Variants in SLC38A6 observed in about 807,000 individuals in gnomAD.
SLC38A6 encodes the protein N system amino acid transporter NAT-1.
A neutral mutation model predicts 65.0 loss-of-function variants in SLC38A6; 73 were observed. That is an observed-to-expected ratio of 1.12 (90% CI 0.93 to 1.37). SLC38A6 has a LOEUF of 1.37. Among genes scored for constraint, SLC38A6 ranks in the 40% most tolerant of loss-of-function variants. SLC38A6 has a pLI of 0.00. For synonymous variants in SLC38A6, 183 were observed against 178.8 expected (o/e 1.02, Z -0.19); for missense variants, 561 against 531.1 (o/e 1.06, Z -0.55).
chr14:61,032,923 A>G (rs2041099844), intron 6 of SLC38A6, among the ~76,000 whole-genome samples: 1 of 151,974 alleles, frequency 6.6e-6, no homozygotes, highest in South Asian at 2.1e-4. Flanking sequence ...GTTATCTGCG[A>G]GCTTGGTGTA....
intron 1 of SLC38A6, chr14:60,982,110 T>A: frequency 1.3e-5 from 6 of 457,938 alleles, no homozygotes; most frequent in South Asian, 9.3e-5. Context: ...TCCTAGTAAT[T>A]GAGGAGAAAC....
chr14:61,030,196 A>C (rs2040870193), intron 5 of SLC38A6, among the ~76,000 whole-genome samples: 1 of 151,946 alleles, frequency 6.6e-6, no homozygotes, highest in South Asian at 2.1e-4. Context: ...TTTGCTTTGG[A>C]CTTGAAATGT....
At chr14:61,071,682 C>CA (rs747015319) in intron 15 of SLC38A6, among the ~76,000 whole-genome samples, 1,209 of 105,282 alleles carry the variant, frequency 0.011, 13 homozygotes, top group African/African-American at 0.038. Flanking sequence ...AATCCTGTCT[C>CA]AAAAAAAAAA....
At chr14:61,042,085 T>C (rs1398161764) in intron 8 of SLC38A6, among the ~76,000 whole-genome samples, 4 of 152,186 alleles carry the variant, frequency 2.6e-5, no homozygotes, top group African/African-American at 4.8e-5. Flanking sequence ...TATTGAAAAC[T>C]TACCTAGAAA....
At chr14:60,983,256 C>T (rs1164163859) in intron 2 of SLC38A6, among the ~76,000 whole-genome samples, 2 of 152,160 alleles carry the variant, frequency 1.3e-5, no homozygotes, top group African/African-American at 4.8e-5. Flanking sequence ...AACTGGAGGT[C>T]AAGGCAGGCG....
chr14:61,064,203 G>A (rs1195308027), intron 15 of SLC38A6, among the ~76,000 whole-genome samples: 1 of 152,122 alleles, frequency 6.6e-6, no homozygotes, highest in South Asian at 2.1e-4. Flanking sequence ...GCCAGACATG[G>A]CCTCCCATGT....
intron 15 of SLC38A6, among the ~76,000 whole-genome samples, chr14:61,069,107 A>G (rs944181945): frequency 2.0e-5 from 3 of 152,182 alleles, no homozygotes; most frequent in Admixed American, 6.5e-5. Flanking sequence ...CCAACCAATT[A>G]AATCCAAATC....
rs2040229048 is a variant in SLC38A6 at position 61,019,548 on chromosome 14, T to G, written c.371T>G (p.Val124Gly). 1 of 1,613,364 alleles carries G rather than the reference T, an allele frequency of 6.2e-7. No homozygotes were observed. Among genetic ancestry groups the G allele is most frequent in the African/African-American group, 1.3e-5 (1 of 75,024 alleles). The change falls in exon 5 of 16, where the codon GTG (valine) becomes GGG (glycine). Residue 124 changes from valine (V) to glycine (G), a missense_variant. Physicochemically the swap from Val to Gly is moderately radical, Grantham distance 109 (BLOSUM62 -3). Transcript: ENST00000267488. Reference sequence around the variant, plus strand: ...ATTTCTGTTCTTTTACAGTTGGTGGTGGCAGGCACCATAATAATTCAGAAT... The same window carrying G: ...ATTTCTGTTCTTTTACAGTTGGTGGGGGCAGGCACCATAATAATTCAGAAT... ...FAFGLPGKLV[V>G]AGTIIIQNIG... is the part of the protein sequence containing the mutation.
chr14:61,004,753 G>C (rs1396453806), intron 3 of SLC38A6: 2 of 152,314 alleles, frequency 1.3e-5, no homozygotes, highest in African/African-American at 4.8e-5. Context: ...AATTCTACCA[G>C]AGGTACAAGG....
chr14:61,045,481 G>T, intron 11 of SLC38A6, 56 bp downstream of exon 11: 1 of 1,312,058 alleles, frequency 7.6e-7, no homozygotes, highest in South Asian at 1.2e-5. Flanking sequence ...TACCTCTAAG[G>T]CTTTCGGATT....
intron 15 of SLC38A6, among the ~76,000 whole-genome samples, chr14:61,075,517 CT>C (rs572190388): frequency 2.0e-5 from 3 of 152,208 alleles, no homozygotes; most frequent in Middle Eastern, 3.2e-3. Flanking sequence ...GTGTATTGAA[CT>C]TTCCTTGACA....
chr14:61,082,807 A>G (rs910900585), intron 16 of SLC38A6, among the ~76,000 whole-genome samples: 5 of 152,108 alleles, frequency 3.3e-5, no homozygotes, highest in African/African-American at 7.2e-5. Flanking sequence ...GCACTCCAGG[A>G]CAGGGGCCTT....
chr14:61,009,215 A>C (rs2039368374), intron 3 of SLC38A6, among the ~76,000 whole-genome samples: 1 of 152,186 alleles, frequency 6.6e-6, no homozygotes, highest in Non-Finnish European at 1.5e-5. Flanking sequence ...AGAATGCCTA[A>C]GATCACAAAT....
chr14:60,984,909 T>G, intron 3 of SLC38A6, 106 bp downstream of exon 3: 1 of 1,064,648 alleles, frequency 9.4e-7, no homozygotes, highest in Non-Finnish European at 1.4e-6. Flanking sequence ...AGCATACATT[T>G]TTATTAGATA....
intron 15 of SLC38A6, among the ~76,000 whole-genome samples, chr14:61,069,286 C>G (rs1354109436): frequency 6.6e-6 from 1 of 152,042 alleles, no homozygotes; most frequent in Non-Finnish European, 1.5e-5. Flanking sequence ...CATAGTATTA[C>G]TCTCTTGCTC....
intron 3 of SLC38A6, among the ~76,000 whole-genome samples, chr14:60,989,205 G>A (rs1318184451): frequency 6.6e-6 from 1 of 152,026 alleles, no homozygotes; most frequent in Non-Finnish European, 1.5e-5. Flanking sequence ...TGAATTCTTT[G>A]TGTTTATTTC....
chr14:61,082,765 C>T (rs1025310938), intron 16 of SLC38A6, among the ~76,000 whole-genome samples: 2 of 152,146 alleles, frequency 1.3e-5, no homozygotes, highest in Admixed American at 1.3e-4. Context: ...GATCATGCCT[C>T]TGGGCCTCTG....
intron 5 of SLC38A6, among the ~76,000 whole-genome samples, chr14:61,022,695 A>T (rs1009861971): frequency 3.9e-5 from 6 of 152,128 alleles, no homozygotes; most frequent in African/African-American, 1.4e-4. Context: ...GTTTGTTAGT[A>T]TAAATTATCT....
At chr14:61,029,757 T>C (rs2040835272) in intron 5 of SLC38A6, among the ~76,000 whole-genome samples, 1 of 152,232 alleles carries the variant, frequency 6.6e-6, no homozygotes, top group African/African-American at 2.4e-5. Context: ...GATTACATAA[T>C]ATAGATGAAC....
Sources: allele counts gnomAD v4.1 joint callset (sites outside exome capture counted in the v4.1 genomes callset), GRCh38; gene constraint gnomAD v4.1.1; transcripts MANE v1.5; gene names NCBI Gene and HGNC (gene_info 2026-07-23, HGNC 2026-07-21).